The following ACOXL variants were observed in gnomAD, a reference collection of about 807,000 sequenced individuals.
The protein encoded by ACOXL is acyl-coenzyme A oxidase-like protein.
A neutral mutation model predicts 71.9 loss-of-function variants in ACOXL; 70 were observed. That is an observed-to-expected ratio of 0.97 (90% CI 0.80 to 1.19). The LOEUF is 1.19. Ranked by LOEUF, ACOXL falls within the 50% of genes most tolerant of loss-of-function variation. ACOXL has a pLI of 0.00. For missense variants in ACOXL, 703 were observed against 736.3 expected (o/e 0.95, Z 0.52); for synonymous variants, 253 against 281.6 (o/e 0.90, Z 1.02).
intron 14 of ACOXL, among the ~76,000 whole-genome samples, chr2:111,007,319 A>G (rs867029321): frequency 3.9e-5 from 6 of 152,312 alleles, no homozygotes; most frequent in South Asian, 2.1e-4. Flanking sequence ...TTTGGAAACA[A>G]TTAATACTGT....
chr2:110,794,015 G>A (rs1684982652), intron 4 of ACOXL, 61 bp from the exon 5 acceptor site: 1 of 1,530,222 alleles, frequency 6.5e-7, no homozygotes, highest in Non-Finnish European at 9.1e-7. Flanking sequence ...GGTCCGAGGG[G>A]TCTGCATTTG....
chr2:110,825,222 T>C (rs1393660686), intron 9 of ACOXL, among the ~76,000 whole-genome samples: 1 of 152,224 alleles, frequency 6.6e-6, no homozygotes, highest in African/African-American at 2.4e-5. Context: ...TCAATTTTCC[T>C]GGTTCCTTCA....
chr2:111,005,043 A>G (rs1384640548), intron 14 of ACOXL, among the ~76,000 whole-genome samples: 2 of 152,220 alleles, frequency 1.3e-5, no homozygotes, highest in Non-Finnish European at 2.9e-5. Flanking sequence ...TTATTTTCAA[A>G]TGTACCTAAC....
intron 1 of ACOXL, among the ~76,000 whole-genome samples, chr2:110,745,754 G>T (rs1346325137): frequency 6.6e-6 from 1 of 152,190 alleles, no homozygotes; most frequent in Non-Finnish European, 1.5e-5. Flanking sequence ...TCTGACTAAA[G>T]AGATGAAGTG....
intron 10 of ACOXL, among the ~76,000 whole-genome samples, chr2:110,893,477 G>A (rs2058876258): frequency 6.6e-6 from 1 of 152,158 alleles, no homozygotes; most frequent in African/African-American, 2.4e-5. Context: ...AATGTATTAA[G>A]ATAGGCAAGT....
intron 15 of ACOXL, among the ~76,000 whole-genome samples, chr2:111,042,434 C>A (rs1391282864): frequency 2.6e-5 from 4 of 152,228 alleles, no homozygotes; most frequent in Admixed American, 2.6e-4. Flanking sequence ...CACGTGGTGT[C>A]ACAGAAGACC....
At chr2:111,103,637 G>A (rs893655893) in intron 17 of ACOXL, among the ~76,000 whole-genome samples, 16 of 152,114 alleles carry the variant, frequency 1.1e-4, no homozygotes, top group African/African-American at 3.9e-4. Flanking sequence ...TTCCTTTTGT[G>A]ATAATTTAGC....
intron 9 of ACOXL, among the ~76,000 whole-genome samples, chr2:110,806,849 A>G (rs1686709682): frequency 6.6e-6 from 1 of 151,904 alleles, no homozygotes; most frequent in African/African-American, 2.4e-5. Flanking sequence ...CTGCAGGCTC[A>G]TTGGGGTCCA....
chr2:111,105,665 TTA>T (rs2069489120), intron 17 of ACOXL, among the ~76,000 whole-genome samples: 1 of 152,152 alleles, frequency 6.6e-6, no homozygotes, highest in African/African-American at 2.4e-5. Context: ...TTTATATATT[TTA>T]TATGTTTTAT....
chr2:110,913,936 A>C (rs565051308), intron 11 of ACOXL, among the ~76,000 whole-genome samples: 1 of 152,150 alleles, frequency 6.6e-6, no homozygotes, highest in Non-Finnish European at 1.5e-5. Flanking sequence ...ACCTCCCACC[A>C]TGTCTCACCT....
At chr2:110,796,344 G>C (rs921358776) in intron 5 of ACOXL, among the ~76,000 whole-genome samples, 1 of 152,134 alleles carries the variant, frequency 6.6e-6, no homozygotes, top group East Asian at 1.9e-4. Flanking sequence ...CTGGCCAAAG[G>C]CATCATTTTT....
chr2:110,830,603 G>A (rs534998993), intron 9 of ACOXL, among the ~76,000 whole-genome samples: 13 of 151,766 alleles, frequency 8.6e-5, no homozygotes, highest in East Asian at 3.9e-4. Flanking sequence ...GCGCAATCTC[G>A]GCTCACTGCA....
intron 17 of ACOXL, among the ~76,000 whole-genome samples, chr2:111,106,730 T>C (rs2069562829): frequency 6.6e-6 from 1 of 152,172 alleles, no homozygotes; most frequent in South Asian, 2.1e-4. Flanking sequence ...TACTGCCTTA[T>C]AGGGATAGTA....
intron 16 of ACOXL, among the ~76,000 whole-genome samples, chr2:111,074,551 GT>G (rs922703928): frequency 1.1e-4 from 17 of 150,254 alleles, no homozygotes; most frequent in South Asian, 2.1e-4. Context: ...TATGATTATG[GT>G]TTTTTTTTCT....
At chr2:110,783,739 A>G (rs751733506) in intron 2 of ACOXL, among the ~76,000 whole-genome samples, 26 of 152,186 alleles carry the variant, frequency 1.7e-4, no homozygotes, top group Non-Finnish European at 3.2e-4. Flanking sequence ...ACACATACAC[A>G]TGGGTAACAA....
At chr2:110,943,057 AAAGGAAG>A (rs368437975) in intron 12 of ACOXL, among the ~76,000 whole-genome samples, 4 of 145,940 alleles carry the variant, frequency 2.7e-5, no homozygotes, top group African/African-American at 7.7e-5. Context: ...GGAAGAAAGA[AAAGGAAG>A]AAGGAAGGAA....
At chr2:110,986,429 G>A (rs1193625923) in intron 12 of ACOXL, among the ~76,000 whole-genome samples, 1 of 152,198 alleles carries the variant, frequency 6.6e-6, no homozygotes, top group Non-Finnish European at 1.5e-5. Flanking sequence ...ACACGACGTG[G>A]TTTTTCTGCT....
intron 15 of ACOXL, among the ~76,000 whole-genome samples, chr2:111,038,676 A>C (rs1232071775): frequency 6.6e-6 from 1 of 152,254 alleles, no homozygotes; most frequent in Non-Finnish European, 1.5e-5. Flanking sequence ...GGTGAATAAA[A>C]ATAAAAGTAT....
chr2:111,006,342 T>C (rs1042171961), intron 14 of ACOXL, among the ~76,000 whole-genome samples: 9 of 152,156 alleles, frequency 5.9e-5, no homozygotes, highest in African/African-American at 1.7e-4. Context: ...ACTCCAGAGA[T>C]AGGGAAAGGA....
Sources: allele counts gnomAD v4.1 joint callset (sites outside exome capture counted in the v4.1 genomes callset), GRCh38; gene constraint gnomAD v4.1.1; transcripts MANE v1.5; gene names NCBI Gene and HGNC (gene_info 2026-07-23, HGNC 2026-07-21).